Variants in NRXN1 observed in about 807,000 individuals in gnomAD.
NRXN1 encodes the protein neurexin-1.
NRXN1 carries 39 observed loss-of-function variants against 150.9 expected under a neutral mutation model. The observed-to-expected ratio is 0.26, with a 90% CI of 0.20 to 0.34. The LOEUF (loss-of-function observed/expected upper bound fraction) is 0.34, where lower values mean the gene tolerates loss of function less well. NRXN1 is among the 10% of genes least tolerant of loss of function. NRXN1 has a pLI of 1.00. For synonymous variants in NRXN1, 924 were observed against 757.0 expected (o/e 1.22, Z -3.62); for missense variants, 1,815 against 1,949.9 (o/e 0.93, Z 1.30).
At chr2:50,540,364 T>A (rs1182712642) in intron 9 of NRXN1, among the ~76,000 whole-genome samples, 1 of 152,190 alleles carries the variant, frequency 6.6e-6, no homozygotes, top group Admixed American at 6.5e-5. Flanking sequence ...TAGAAAAATA[T>A]AAAGCATGGC....
At chr2:50,766,989 A>G (rs1244018320) in intron 5 of NRXN1, among the ~76,000 whole-genome samples, 3 of 152,134 alleles carry the variant, frequency 2.0e-5, no homozygotes, top group African/African-American at 4.8e-5. Flanking sequence ...AGAATTAACG[A>G]AATACCTTGG....
At chr2:49,960,069 C>CT (rs200180332) in intron 21 of NRXN1, among the ~76,000 whole-genome samples, 2 of 152,134 alleles carry the variant, frequency 1.3e-5, no homozygotes, top group Admixed American at 6.6e-5. Context: ...GGAAAGCCTT[C>CT]TTTTTTTGTT....
At chr2:51,009,459 G>T (rs1175107825) in intron 2 of NRXN1, among the ~76,000 whole-genome samples, 5 of 151,852 alleles carry the variant, frequency 3.3e-5, no homozygotes, top group African/African-American at 1.2e-4. Context: ...AATATATCGG[G>T]ACAAAAGGAA....
intron 2 of NRXN1, among the ~76,000 whole-genome samples, chr2:50,937,141 A>C (rs1688674378): frequency 6.6e-6 from 1 of 152,184 alleles, no homozygotes; most frequent in Admixed American, 6.6e-5. Context: ...CAGCAAAAGA[A>C]TGTAAGACCC....
intron 10 of NRXN1, among the ~76,000 whole-genome samples, chr2:50,536,453 T>G (rs2093262141): frequency 6.6e-6 from 1 of 152,192 alleles, no homozygotes; most frequent in Admixed American, 6.5e-5. Flanking sequence ...TAAATATTTC[T>G]TCTCTCATCC....
At chr2:49,958,193 C>G (rs1029992106) in intron 21 of NRXN1, among the ~76,000 whole-genome samples, 2 of 152,228 alleles carry the variant, frequency 1.3e-5, no homozygotes, top group African/African-American at 4.8e-5. Flanking sequence ...TGCCTTTGTG[C>G]ATGTATTTAA....
chr2:50,279,629 T>C (rs1184182911), intron 17 of NRXN1, among the ~76,000 whole-genome samples: 1 of 152,130 alleles, frequency 6.6e-6, no homozygotes, highest in Non-Finnish European at 1.5e-5. Flanking sequence ...GCTTTATAAG[T>C]AAATCAAACT....
chr2:50,933,619 G>C (rs2077031406), intron 2 of NRXN1, among the ~76,000 whole-genome samples: 1 of 152,070 alleles, frequency 6.6e-6, no homozygotes, highest in South Asian at 2.1e-4. Flanking sequence ...TTAATGTCTA[G>C]TGACTAAACT....
intron 15 of NRXN1, among the ~76,000 whole-genome samples, chr2:50,495,306 A>G (rs978481137): frequency 6.6e-6 from 1 of 150,984 alleles, no homozygotes; most frequent in East Asian, 2.0e-4. Flanking sequence ...AGAGAAGCGT[A>G]TGTTAAGACT....
intron 18 of NRXN1, among the ~76,000 whole-genome samples, chr2:50,179,329 T>C (rs566851680): frequency 3.9e-5 from 6 of 152,230 alleles, no homozygotes; most frequent in African/African-American, 1.4e-4. Flanking sequence ...CCACCTAAAG[T>C]GATTTGTTGA....
At chr2:50,627,615 G>GACACACACACACAC (rs142392248) in intron 5 of NRXN1, among the ~76,000 whole-genome samples, 6 of 148,334 alleles carry the variant, frequency 4.0e-5, no homozygotes, top group Non-Finnish European at 7.5e-5. Context: ...GTCAGACACA[G>GACACACACACACAC]ACACACACAC....
At chr2:50,683,646 A>ATAT (rs1553965102) in intron 5 of NRXN1, among the ~76,000 whole-genome samples, 4 of 14,910 alleles carry the variant, frequency 2.7e-4, no homozygotes, top group African/African-American at 1.4e-3. Flanking sequence ...AAAAAAAAAA[A>ATAT]ATATATATAT....
chr2:50,430,868 G>T (rs930046126), intron 17 of NRXN1, among the ~76,000 whole-genome samples: 5 of 152,096 alleles, frequency 3.3e-5, no homozygotes. Flanking sequence ...CACAGCTGCT[G>T]TTCTAAATTG....
At chr2:50,302,924 TCC>T (rs2074294271) in intron 17 of NRXN1, among the ~76,000 whole-genome samples, 1 of 151,880 alleles carries the variant, frequency 6.6e-6, no homozygotes, top group Non-Finnish European at 1.5e-5. Flanking sequence ...CATCCATCCA[TCC>T]ATCCATCCAT....
chr2:50,669,963 A>C (rs1282810888), intron 5 of NRXN1, among the ~76,000 whole-genome samples: 1 of 151,932 alleles, frequency 6.6e-6, no homozygotes, highest in Non-Finnish European at 1.5e-5. Context: ...GCTAATCCAA[A>C]AGGAGAACAC....
chr2:50,655,066 T>C (rs528681315), intron 5 of NRXN1, among the ~76,000 whole-genome samples: 1 of 151,860 alleles, frequency 6.6e-6, no homozygotes, highest in South Asian at 2.1e-4. Context: ...GTCTGGAAAA[T>C]TGGGATTTTC....
chr2:50,267,559 G>A (rs1450848264), intron 17 of NRXN1, among the ~76,000 whole-genome samples: 1 of 152,034 alleles, frequency 6.6e-6, no homozygotes, highest in Non-Finnish European at 1.5e-5. Context: ...TGCATTCTTT[G>A]GGGAGCAAAT....
chr2:50,920,120 C>T (rs545330133), intron 5 of NRXN1: 1 of 196,694 alleles, frequency 5.1e-6, no homozygotes, highest in African/African-American at 2.4e-5. Context: ...TAAAAATCTT[C>T]TCTCTCCATT....
chr2:50,142,963 G>A (rs576615245), intron 18 of NRXN1, among the ~76,000 whole-genome samples: 24 of 151,746 alleles, frequency 1.6e-4, no homozygotes, highest in Admixed American at 4.6e-4. Context: ...CCCTATCCCC[G>A]TAACAGAATT....
Sources: allele counts gnomAD v4.1 joint callset (sites outside exome capture counted in the v4.1 genomes callset), GRCh38; gene constraint gnomAD v4.1.1; transcripts MANE v1.5; gene names NCBI Gene and HGNC (gene_info 2026-07-23, HGNC 2026-07-21).